CCNT1: variants seen among roughly 807,000 people sequenced by gnomAD.
CCNT1 encodes cyclin T1.
Under a neutral mutation model 67.3 loss-of-function variants are expected in CCNT1, and 18 were observed. That is an observed-to-expected ratio of 0.27 (90% CI 0.18 to 0.40). The LOEUF is 0.40. Ranked by LOEUF, CCNT1 falls within the 10% of genes least tolerant of loss-of-function variation. The pLI is 1.00. For synonymous variants in CCNT1, 333 were observed against 310.3 expected, an observed-to-expected ratio of 1.07 and a Z score of -0.77; for missense variants, 744 against 884.9, an observed-to-expected ratio of 0.84 and a Z score of 2.02.
At chr12:48,713,233 C>T (rs1592127617) in intron 2 of CCNT1, among the ~76,000 whole-genome samples, 1 of 149,496 alleles carries the variant, frequency 6.7e-6, no homozygotes, top group African/African-American at 2.5e-5. Context: ...CGGGGTCTCA[C>T]CGTGTTGCCC....
At chr12:48,701,816 G>A (rs1024752639) in intron 3 of CCNT1, among the ~76,000 whole-genome samples, 7 of 151,854 alleles carry the variant, frequency 4.6e-5, no homozygotes, top group African/African-American at 1.7e-4. Flanking sequence ...ATGTTGGTCA[G>A]GCTGGTCTCA....
rs1178585406 is a variant in CCNT1 at position 48,694,257 on chromosome 12, T to C, written c.957A>G (p.Ser319=). Residue 319 remains serine (S), a synonymous_variant, in exon 9 of 9, where the codon TCA becomes TCG. Transcript: ENST00000261900. ...AVPSLPVSEE[S]SSNLTSVEML... ...TCTCCACACTGGTTAAGTTGCTGGA[T>C]GACTCTTCGGAGACTGGCAGGGAAG... 2 of 1,614,108 alleles carry C rather than the reference T, an allele frequency of 1.2e-6. No homozygotes were observed. The highest frequency in any genetic ancestry group is 1.3e-5 in the African/African-American group (1 of 74,950).
chr12:48,695,635 G>C, intron 8 of CCNT1, 124 bp downstream of exon 8: 1 of 652,176 alleles, frequency 1.5e-6, no homozygotes, highest in Admixed American at 2.7e-5. Context: ...TAGAAGTCAT[G>C]ATTACTGTGT....
At chr12:48,705,015 AGGTCTGGGACCATT>A (rs1468358402) in intron 3 of CCNT1, among the ~76,000 whole-genome samples, 1 of 152,208 alleles carries the variant, frequency 6.6e-6, no homozygotes, top group Non-Finnish European at 1.5e-5. Context: ...GTGCCAAAAA[AGGTCTGGGACCATT>A]GGTCTAGAAT....
In CCNT1 at chr12:48,705,858, C is replaced by T; in HGVS notation, c.282G>A (p.Val94=). 4.3e-6 allele frequency: 7 copies of T among 1,613,750 alleles called. No individual in the cohort carries two copies. Among genetic ancestry groups the T allele is most frequent in the African/African-American group, 1.3e-5 (1 of 75,018 alleles). ...GTTCCAATTTTTTGGGCTGCTCCTC[C>T]ACTTTAGCTGCTAGAAACAAGGCTG... ...APAALFLAAK[V]EEQPKKLEHV... The change falls in exon 3 of 9, where the codon GTG becomes GTA. Residue 94 remains valine, a synonymous_variant. Transcript: ENST00000261900.
intron 3 of CCNT1, among the ~76,000 whole-genome samples, chr12:48,702,611 T>TATTG (rs1332384941): frequency 2.6e-5 from 4 of 151,956 alleles, no homozygotes; most frequent in Non-Finnish European, 4.4e-5. Flanking sequence ...GGTGAAACCC[T>TATTG]GTCTCTATTA....
chr12:48,707,642 T>C (rs1940383248), intron 2 of CCNT1, among the ~76,000 whole-genome samples: 1 of 147,136 alleles, frequency 6.8e-6, no homozygotes, highest in African/African-American at 2.7e-5. Context: ...ATGTTTATGA[T>C]AAATGTATAT....
intron 6 of CCNT1, among the ~76,000 whole-genome samples, chr12:48,697,567 T>A (rs979887739): frequency 7.0e-6 from 1 of 142,470 alleles, no homozygotes; most frequent in Admixed American, 7.0e-5. Context: ...ATGCCTGTAA[T>A]CCCAGCACTT....
At chr12:48,705,463 G>C (rs985919954) in intron 3 of CCNT1, among the ~76,000 whole-genome samples, 2 of 151,110 alleles carry the variant, frequency 1.3e-5, no homozygotes, top group Non-Finnish European at 2.9e-5. Flanking sequence ...TATAGAGACA[G>C]GGTCTTGCTA....
In CCNT1 at chr12:48,692,119, A is replaced by G. The variant is rs1202783693; in HGVS notation, c.*914T>C. ...CATCTCTGTTTTGCACAAAAACAAAAAAAGGGGTAAAAAGGAAGTTCTCAT... is the reference window on the plus strand; with the variant it reads ...CATCTCTGTTTTGCACAAAAACAAAGAAAGGGGTAAAAAGGAAGTTCTCAT... On this transcript the variant is annotated 3_prime_UTR_variant, in exon 9 of 9. Coordinates refer to ENST00000261900, the MANE Select transcript of CCNT1 (RefSeq NM_001240.4). 1 of 152,168 alleles carries G rather than the reference A, an allele frequency of 6.6e-6. No homozygotes were observed. Among genetic ancestry groups the G allele is most frequent in the African/African-American group, 2.4e-5 (1 of 41,436 alleles). The allele number at this position is 152,168 out of a possible 1,614,324, so 9.4% of individuals were successfully genotyped here.
At chr12:48,697,756 T>C (rs1366093228) in intron 6 of CCNT1, among the ~76,000 whole-genome samples, 1 of 145,870 alleles carries the variant, frequency 6.9e-6, no homozygotes, top group Non-Finnish European at 1.5e-5. Context: ...AAGGTGGAGC[T>C]TGCAGTGAGC....
chr12:48,704,878 G>T (rs1410599669), intron 3 of CCNT1, among the ~76,000 whole-genome samples: 1 of 152,050 alleles, frequency 6.6e-6, no homozygotes, highest in Non-Finnish European at 1.5e-5. Flanking sequence ...ATTTCATTAT[G>T]TATAACAATG....
intron 2 of CCNT1, among the ~76,000 whole-genome samples, chr12:48,710,007 C>T (rs1486810366): frequency 6.6e-6 from 1 of 152,024 alleles, no homozygotes; most frequent in Non-Finnish European, 1.5e-5. Context: ...TCTGCCTCAG[C>T]CTCCCAAGTG....
intron 1 of CCNT1, among the ~76,000 whole-genome samples, chr12:48,715,132 C>G (rs1233060492): frequency 2.6e-5 from 4 of 152,136 alleles, no homozygotes. Flanking sequence ...AATGACAACA[C>G]ACATACAAAA....
chr12:48,715,881 C>T (rs538009531), intron 1 of CCNT1, among the ~76,000 whole-genome samples: 58 of 152,342 alleles, frequency 3.8e-4, no homozygotes, highest in African/African-American at 1.4e-3. Flanking sequence ...CGTAAACTAA[C>T]ATCTTTCCTC....
chr12:48,715,099 C>T (rs1940513863), intron 1 of CCNT1, among the ~76,000 whole-genome samples: 2 of 152,356 alleles, frequency 1.3e-5, no homozygotes, highest in South Asian at 4.1e-4. Context: ...AGGCGCGAGC[C>T]ACCGCGCCTG....
chr12:48,705,430 C>CT (rs575520492), intron 3 of CCNT1, among the ~76,000 whole-genome samples: 2,062 of 148,046 alleles, frequency 0.014, 46 homozygotes, highest in African/African-American at 0.048. Flanking sequence ...CCACATCTGG[C>CT]TTTTTTTTTT....
At position 48,689,052 on chromosome 12, in the gene CCNT1, GA is replaced by G; in HGVS notation, c.*3980del. ...ACTGAAGAGTTCCTGATTACCTGAT[GA>G]AGGACATACTTGCTCTGGCTTCAAT... On this transcript the variant is annotated 3_prime_UTR_variant, in exon 9 of 9. Coordinates refer to ENST00000261900, the MANE Select transcript of CCNT1 (RefSeq NM_001240.4). 1 of 152,318 alleles carries G rather than the reference GA, an allele frequency of 6.6e-6. No homozygotes were observed. Among genetic ancestry groups the G allele is most frequent in the African/African-American group, 2.4e-5 (1 of 41,568 alleles). The allele number at this position is 152,318 out of a possible 1,614,324, so 9.4% of individuals were successfully genotyped here. A position where few individuals can be genotyped will look rare whatever the true frequency, so the allele number is the denominator to read the frequency against.
rs1342753031 is a variant in CCNT1 at position 48,692,077 on chromosome 12, C to A, written c.*956G>T. 3 of 151,900 alleles carry A rather than the reference C, an allele frequency of 2.0e-5. No individual in the cohort carries two copies. The highest frequency in any genetic ancestry group is 7.3e-5 in the African/African-American group (3 of 41,342). 9.4% of individuals were successfully genotyped at this position (151,900 alleles called of 1,614,324 possible). ...GGCAGAAGCTGGCCTTGCTCGCCAA[C>A]CCTCCTTCCTCAACCCCATCTCTGT... On this transcript the variant is annotated 3_prime_UTR_variant, in exon 9 of 9. Coordinates refer to ENST00000261900, the MANE Select transcript of CCNT1 (RefSeq NM_001240.4).
Sources: gnomAD v4.1 joint callset for allele counts (sites outside exome capture counted in the v4.1 genomes callset) on GRCh38, gnomAD v4.1.1 for gene constraint, MANE v1.5 for transcripts, NCBI Gene and HGNC (gene_info 2026-07-23, HGNC 2026-07-21) for gene names.